The following MGMT variants were observed in gnomAD, a reference collection of about 807,000 sequenced individuals.
The protein encoded by MGMT is O-6-methylguanine-DNA methyltransferase.
MGMT carries 14 observed loss-of-function variants against 15.9 expected under a neutral mutation model. The ratio of observed to expected loss-of-function variants is 0.88; its 90% CI spans 0.58 to 1.37. The LOEUF (loss-of-function observed/expected upper bound fraction) is 1.37. Among genes scored for constraint, MGMT ranks in the 40% most tolerant of loss-of-function variants. MGMT has a pLI of 0.00. For missense variants in MGMT, 282 were observed against 268.1 expected, an observed-to-expected ratio of 1.05 and a Z score of -0.36; for synonymous variants, 130 against 118.2, an observed-to-expected ratio of 1.10 and a Z score of -0.65.
chr10:129,673,667 C>G (rs887727464), intron 2 of MGMT, among the ~76,000 whole-genome samples: 1 of 152,156 alleles, frequency 6.6e-6, no homozygotes, highest in Non-Finnish European at 1.5e-5. Context: ...GCAAGTTCTC[C>G]TGGTCTGGAT....
At chr10:129,615,840 C>T (rs548584594) in intron 2 of MGMT, among the ~76,000 whole-genome samples, 20 of 152,088 alleles carry the variant, frequency 1.3e-4, no homozygotes, top group Non-Finnish European at 2.8e-4. Flanking sequence ...CAGGAAGGGT[C>T]CAGGTATAAG....
At chr10:129,487,944 TAC>T (rs1299161266) in intron 1 of MGMT, among the ~76,000 whole-genome samples, 7 of 143,212 alleles carry the variant, frequency 4.9e-5, no homozygotes, top group African/African-American at 1.6e-4. Context: ...TGTATATATA[TAC>T]ACACACAAAC....
At chr10:129,610,502 C>G (rs946619365) in intron 2 of MGMT, among the ~76,000 whole-genome samples, 2 of 152,262 alleles carry the variant, frequency 1.3e-5, no homozygotes, top group African/African-American at 2.4e-5. Flanking sequence ...TTTTCTTCAG[C>G]TCTCCGTCCA....
intron 2 of MGMT, among the ~76,000 whole-genome samples, chr10:129,679,715 G>T (rs1030288752): frequency 6.6e-6 from 1 of 152,080 alleles, no homozygotes; most frequent in African/African-American, 2.4e-5. Flanking sequence ...CAGCATTGGT[G>T]CATTGAGGAC....
At chr10:129,521,624 G>C (rs12241575) in intron 1 of MGMT, among the ~76,000 whole-genome samples, 37,815 of 152,126 alleles carry the variant, frequency 0.25, 5,653 homozygotes, top group African/African-American at 0.42. Context: ...CCCCCAGGGA[G>C]GGTGTTTCCA....
intron 1 of MGMT, among the ~76,000 whole-genome samples, chr10:129,509,013 TTGGCAGTTATTTGAA>T (rs1845654052): frequency 6.6e-6 from 1 of 152,190 alleles, no homozygotes. Flanking sequence ...ATCAAATAAC[TTGGCAGTTATTTGAA>T]GGAAGCGGCT....
chr10:129,707,583 T>A (rs1162188565), intron 2 of MGMT, among the ~76,000 whole-genome samples: 6 of 152,072 alleles, frequency 3.9e-5, no homozygotes, highest in Non-Finnish European at 8.8e-5. Context: ...CAATAGTGAG[T>A]GCTTGATGAT....
intron 3 of MGMT, among the ~76,000 whole-genome samples, chr10:129,731,223 A>G (rs1323399233): frequency 1.2e-4 from 2 of 16,186 alleles, no homozygotes. Context: ...TCGGGCTCAG[A>G]GTGGGCTTAA....
intron 2 of MGMT, chr10:129,701,106 A>C (rs979831718): frequency 1.3e-5 from 2 of 152,170 alleles, no homozygotes; most frequent in Admixed American, 1.3e-4. Context: ...TGGCGAGGCC[A>C]CTAAAAGCTT....
chr10:129,571,508 G>A (rs1846419334), intron 2 of MGMT, among the ~76,000 whole-genome samples: 1 of 152,198 alleles, frequency 6.6e-6, no homozygotes, highest in Admixed American at 6.5e-5. Context: ...TAGTACATAA[G>A]ACGGGGCCGC....
At chr10:129,739,524 G>T (rs1455177948) in intron 3 of MGMT, among the ~76,000 whole-genome samples, 1 of 152,232 alleles carries the variant, frequency 6.6e-6, no homozygotes, top group Non-Finnish European at 1.5e-5. Flanking sequence ...TCTGCTTTGT[G>T]CATCTCTGTT....
chr10:129,534,323 A>G (rs1442696705), intron 1 of MGMT, among the ~76,000 whole-genome samples: 2 of 151,948 alleles, frequency 1.3e-5, no homozygotes, highest in Admixed American at 1.3e-4. Context: ...ATGTTGAAGG[A>G]GTGTGATGTG....
chr10:129,663,638 A>G (rs1189547134), intron 2 of MGMT, among the ~76,000 whole-genome samples: 1 of 152,222 alleles, frequency 6.6e-6, no homozygotes. Flanking sequence ...TGAGAATGAC[A>G]ACAGGGAAAT....
At chr10:129,670,856 T>A (rs1216318041) in intron 2 of MGMT, among the ~76,000 whole-genome samples, 2 of 152,226 alleles carry the variant, frequency 1.3e-5, no homozygotes, top group African/African-American at 2.4e-5. Flanking sequence ...CTCATTGAAC[T>A]GTATGTATGA....
intron 3 of MGMT, among the ~76,000 whole-genome samples, chr10:129,714,556 ACTT>A (rs1337956693): frequency 5.3e-5 from 8 of 152,124 alleles, no homozygotes; most frequent in Admixed American, 4.6e-4. Flanking sequence ...AAATTTTTAT[ACTT>A]CTTACCCCTC....
At chr10:129,558,288 A>T (rs932174746) in intron 2 of MGMT, among the ~76,000 whole-genome samples, 1 of 152,228 alleles carries the variant, frequency 6.6e-6, no homozygotes, top group Non-Finnish European at 1.5e-5. Context: ...TCATTGAAAT[A>T]CTGCCCATTT....
At chr10:129,468,435 C>G (rs999635682) in intron 1 of MGMT, among the ~76,000 whole-genome samples, 2 of 152,102 alleles carry the variant, frequency 1.3e-5, no homozygotes, top group South Asian at 2.1e-4. Context: ...GAGAGCTGGC[C>G]TTGCTCTGCC....
intron 2 of MGMT, among the ~76,000 whole-genome samples, chr10:129,707,113 T>C (rs1253532822): frequency 1.3e-5 from 2 of 151,968 alleles, no homozygotes; most frequent in Non-Finnish European, 2.9e-5. Flanking sequence ...CCATCTCTAC[T>C]AAAGATACAA....
chr10:129,763,989 G>A (rs3829196), intron 4 of MGMT, among the ~76,000 whole-genome samples: 16,386 of 152,194 alleles, frequency 0.11, 1,746 homozygotes, highest in African/African-American at 0.27. Context: ...CAAACTCATC[G>A]TCAAATTAGG....
Sources: gnomAD v4.1 joint callset for allele counts (sites outside exome capture counted in the v4.1 genomes callset) on GRCh38, gnomAD v4.1.1 for gene constraint, MANE v1.5 for transcripts, NCBI Gene and HGNC (gene_info 2026-07-23, HGNC 2026-07-21) for gene names.